The following TAB2 variants were observed in gnomAD, a reference collection of about 807,000 sequenced individuals.
TAB2 encodes TGF-beta activated kinase 1 (MAP3K7) binding protein 2, also known as TGF-beta-activated kinase 1 and MAP3K7-binding protein 2.
A neutral mutation model predicts 65.0 loss-of-function variants in TAB2; 3 were observed. The ratio of observed to expected loss-of-function variants is 0.05; its 90% CI spans 0.02 to 0.12. The LOEUF (loss-of-function observed/expected upper bound fraction) is 0.12. Ranked by LOEUF, TAB2 falls within the 10% of genes least tolerant of loss-of-function variation. The pLI is 1.00. For synonymous variants in TAB2, 298 were observed against 285.1 expected (o/e 1.05, Z -0.46); for missense variants, 623 against 840.3 (o/e 0.74, Z 3.20).
intron 1 of TAB2, among the ~76,000 whole-genome samples, chr6:149,254,062 GAA>G (rs1433436374): frequency 0.088 from 2,615 of 29,704 alleles, 45 homozygotes; most frequent in Middle Eastern, 0.22. Flanking sequence ...AGAGAGGGAG[GAA>G]GGAAGGAAGG....
At chr6:149,315,953 T>C (rs1466315650), upstream of TAB2, among the ~76,000 whole-genome samples, 1 of 152,244 alleles carries the variant, frequency 6.6e-6, no homozygotes, top group South Asian at 2.1e-4. Context: ...AAAATTTGCA[T>C]AAAATACATC....
upstream of TAB2, among the ~76,000 whole-genome samples, chr6:149,317,020 G>C (rs904571326): frequency 2.7e-5 from 4 of 150,518 alleles, no homozygotes; most frequent in African/African-American, 9.7e-5. This position sits in a 1 kb window ranked among gnomAD's most constrained non-coding sequence, Gnocchi z 4.7. Context: ...TGCTCCTCTC[G>C]GCCGCCGCAG....
intron 3 of TAB2, among the ~76,000 whole-genome samples, chr6:149,394,107 G>GT (rs141761488): frequency 0.024 from 3,609 of 151,494 alleles, 135 homozygotes; most frequent in African/African-American, 0.084. Flanking sequence ...CAACTCTTAA[G>GT]TTTTTTTTGT....
chr6:149,249,190 A>C (rs1370890734), intron 1 of TAB2, among the ~76,000 whole-genome samples: 1 of 148,632 alleles, frequency 6.7e-6, no homozygotes, highest in African/African-American at 2.5e-5. Flanking sequence ...ACACACAGAC[A>C]CCTACCCTAC....
chr6:149,403,149 G>A (rs1050434646), intron 6 of TAB2, among the ~76,000 whole-genome samples: 2 of 149,858 alleles, frequency 1.3e-5, no homozygotes, highest in Admixed American at 6.7e-5. Context: ...CAGGAGAATC[G>A]CTTGAATCTG....
chr6:149,403,508 T>C (rs1026440561), intron 6 of TAB2, among the ~76,000 whole-genome samples: 8 of 151,498 alleles, frequency 5.3e-5, no homozygotes, highest in Non-Finnish European at 1.0e-4. Context: ...TTGCCACTTA[T>C]TTTCAACGTA....
chr6:149,255,222 C>T (rs930127479), intron 1 of TAB2: 2 of 152,172 alleles, frequency 1.3e-5, no homozygotes, highest in South Asian at 2.1e-4. Context: ...GGGAGAGACA[C>T]CAGAGCTCAT....
intron 1 of TAB2, among the ~76,000 whole-genome samples, chr6:149,278,821 G>T (rs1031339416): frequency 6.6e-6 from 1 of 152,094 alleles, no homozygotes; most frequent in African/African-American, 2.4e-5. Context: ...GCTCATGCCT[G>T]CAATTCCAAC....
At chr6:149,401,070 CCTT>C (rs1343651239) in intron 6 of TAB2, 1 of 184,434 alleles carries the variant, frequency 5.4e-6, no homozygotes, top group East Asian at 1.7e-4. Context: ...TTCTCACATA[CCTT>C]GTTCAATTGG....
rs1250501894 is a variant in TAB2 at position 149,249,147 on chromosome 6, CACACAT to C, written c.-121+30377_-121+30382del. Among the ~76,000 whole-genome samples the C allele has an allele frequency of 3.0e-5, 3 of 98,552 alleles. No individual in the cohort carries two copies. The East Asian group carries it at 1.1e-3, about 37-fold the overall frequency. 64.7% of individuals were successfully genotyped at this position (98,552 alleles called of 152,430 possible). A position where few individuals can be genotyped will look rare whatever the true frequency, so the allele number is the denominator to read the frequency against. ...AGACACACACACATACACACACACA[CACACAT>C]ACACACACACACACACGCACACACA... is the stretch of plus-strand genomic sequence containing the variant. On this transcript the variant is annotated intron_variant, in intron 1 of 1. Transcript: ENST00000606202.
At chr6:149,334,298 C>T (rs546915982) in intron 1 of TAB2, among the ~76,000 whole-genome samples, 13 of 152,064 alleles carry the variant, frequency 8.5e-5, no homozygotes, top group Non-Finnish European at 1.5e-4. Flanking sequence ...CAGCGTATCT[C>T]TACAAAATCT....
chr6:149,323,392 A>G (rs1250669384), intron 1 of TAB2, among the ~76,000 whole-genome samples: 2 of 152,146 alleles, frequency 1.3e-5, no homozygotes, highest in Non-Finnish European at 2.9e-5. Context: ...AAGAAAATTT[A>G]TGAATAATTA....
intron 1 of TAB2, among the ~76,000 whole-genome samples, chr6:149,239,129 T>A (rs1777551146): frequency 6.6e-6 from 1 of 152,212 alleles, no homozygotes; most frequent in Non-Finnish European, 1.5e-5. Context: ...CTCAAGTGAC[T>A]CTTAGAAAGG....
intron 1 of TAB2, chr6:149,221,007 T>C (rs1014414430): frequency 6.6e-6 from 1 of 152,222 alleles, no homozygotes; most frequent in African/African-American, 2.4e-5. Flanking sequence ...TTCCTTGAGA[T>C]GACAACTTCA....
chr6:149,334,891 A>G (rs1779888301), intron 1 of TAB2, among the ~76,000 whole-genome samples: 1 of 152,170 alleles, frequency 6.6e-6, no homozygotes, highest in Non-Finnish European at 1.5e-5. Context: ...GAAGCATGTC[A>G]TTTATAATTA....
upstream of TAB2, chr6:149,317,635 G>T (rs887994751): frequency 6.3e-6 from 1 of 159,856 alleles, no homozygotes; most frequent in Non-Finnish European, 1.4e-5. This position sits in a 1 kb window ranked among gnomAD's most constrained non-coding sequence, Gnocchi z 4.7. Flanking sequence ...CGAGCGCGAG[G>T]GGGGTGGGGG....
intron 1 of TAB2, among the ~76,000 whole-genome samples, chr6:149,359,299 C>T (rs940216366): frequency 1.3e-5 from 2 of 152,162 alleles, no homozygotes; most frequent in Admixed American, 6.5e-5. Flanking sequence ...TGCCAGGAAT[C>T]CTATGGTATC....
chr6:149,362,726 A>C (rs1039133022), intron 1 of TAB2, among the ~76,000 whole-genome samples: 1 of 152,236 alleles, frequency 6.6e-6, no homozygotes, highest in Admixed American at 6.5e-5. Context: ...GGGAGGGGAA[A>C]CTAGTCAAGA....
chr6:149,366,200 T>C (rs1041585095), intron 1 of TAB2, among the ~76,000 whole-genome samples: 9 of 152,188 alleles, frequency 5.9e-5, no homozygotes, highest in African/African-American at 2.2e-4. Context: ...GACTCTGGAT[T>C]CTGTATTCCT....
Sources: gnomAD v4.1 joint callset for allele counts (sites outside exome capture counted in the v4.1 genomes callset) on GRCh38, gnomAD v4.1.1 for gene constraint, Gnocchi (gnomAD v3.1) non-coding constraint, MANE v1.5 for transcripts, NCBI Gene and HGNC (gene_info 2026-07-23, HGNC 2026-07-21) for gene names.